FAM184A: variants seen among roughly 807,000 people sequenced by gnomAD.
FAM184A encodes the protein family with sequence similarity 184 member A.
Under a neutral mutation model 143.8 loss-of-function variants are expected in FAM184A, and 99 were observed. The observed-to-expected ratio is 0.69, with a 90% confidence interval of 0.58 to 0.81. FAM184A has a LOEUF of 0.81. FAM184A is among the 40% of genes least tolerant of loss of function. FAM184A has a pLI of 0.00. For missense variants in FAM184A, 1,217 were observed against 1,310.5 expected, an observed-to-expected ratio of 0.93 and a Z score of 1.10; for synonymous variants, 427 against 446.4, an observed-to-expected ratio of 0.96 and a Z score of 0.55.
Position 119,078,062 on chromosome 6 carries a change from G to T in FAM184A, c.159+79C>A, listed in dbSNP as rs1180673915. 1.4e-6 allele frequency: 2 copies of T among 1,475,034 alleles called. No individual in the cohort carries two copies. The highest frequency in any genetic ancestry group is 1.8e-6 in the Non-Finnish European group (2 of 1,103,816). 91.4% of individuals were successfully genotyped at this position (1,475,034 alleles called of 1,614,324 possible). A position where few individuals can be genotyped will look rare whatever the true frequency, so the allele number is the denominator to read the frequency against. On this transcript the variant is annotated intron_variant, in intron 1 of 17. Transcript: ENST00000338891. The surrounding 1 kb of genome is among the most constrained non-coding windows in gnomAD (Gnocchi z 5.5). ...GTTCCCCTCGCTGCGGGCGCAGGGC[G>T]CACTGCCTCCCGGGGAGACAGGTGA...
chr6:119,006,397 T>A, intron 7 of FAM184A, 50 bp downstream of exon 7: 1 of 1,574,526 alleles, frequency 6.4e-7, no homozygotes, highest in South Asian at 1.2e-5. Flanking sequence ...ATGGCTAAAT[T>A]CTATTTTTAT....
At chr6:119,114,000 A>T (rs530362971) in intron 1 of FAM184A, among the ~76,000 whole-genome samples, 1 of 152,266 alleles carries the variant, frequency 6.6e-6, no homozygotes, top group African/African-American at 2.4e-5. Context: ...TTTCTATTTT[A>T]TTGTTATTGT....
At chr6:119,052,654 T>A (rs1302397921) in intron 1 of FAM184A, among the ~76,000 whole-genome samples, 2 of 152,238 alleles carry the variant, frequency 1.3e-5, no homozygotes, top group African/African-American at 4.8e-5. Context: ...CAGAGTTGTA[T>A]CTGATCTGAT....
At chr6:119,145,402 C>A (rs949903764) in intron 1 of FAM184A, among the ~76,000 whole-genome samples, 3 of 152,136 alleles carry the variant, frequency 2.0e-5, no homozygotes, top group Non-Finnish European at 4.4e-5. Flanking sequence ...GTCATTAAAC[C>A]CTTCAATCAC....
chr6:119,087,284 ACAAG>A (rs1289681217), intron 1 of FAM184A, among the ~76,000 whole-genome samples: 2 of 152,190 alleles, frequency 1.3e-5, no homozygotes, highest in African/African-American at 4.8e-5. Flanking sequence ...AAAGATACTA[ACAAG>A]AGAGTGAAAA....
chr6:119,096,616 CTGGGCGACAGAGCGA>C (rs1788515539), intron 1 of FAM184A, among the ~76,000 whole-genome samples: 2 of 26,872 alleles, frequency 7.4e-5, no homozygotes, highest in South Asian at 3.2e-3. Flanking sequence ...GCAGTCCGGC[CTGGGCGACAGAGCGA>C]GACTCCATCT....
intron 1 of FAM184A, among the ~76,000 whole-genome samples, chr6:119,059,773 AG>A (rs1353178065): frequency 6.6e-6 from 1 of 152,244 alleles, no homozygotes; most frequent in Non-Finnish European, 1.5e-5. Flanking sequence ...GTATCATACC[AG>A]TACTTCAGAT....
At position 118,974,435 on chromosome 6, in the gene FAM184A, G is replaced by C. The variant is rs750107382; in HGVS notation, c.2908C>G (p.Gln970Glu). Residue 970 changes from glutamine to glutamate, a missense_variant, in exon 14 of 18, where the codon CAA becomes GAA. Transcript: ENST00000338891. ...ELLKEINAAL[Q>E]VSLEEMEEKY... The stretch of plus-strand genomic sequence containing the variant: ...TTATATAATATGACTTACGACACTT[G>C]TAAAGCGGCATTTATTTCCTTGAGT... 1.2e-6 allele frequency: 2 copies of C among 1,608,064 alleles called. No individual in the cohort carries two copies. Among genetic ancestry groups the C allele is most frequent in the Non-Finnish European group, 1.7e-6 (2 of 1,177,382 alleles).
chr6:119,020,898 T>C (rs1785422749), intron 3 of FAM184A, among the ~76,000 whole-genome samples: 1 of 152,002 alleles, frequency 6.6e-6, no homozygotes, highest in African/African-American at 2.4e-5. Flanking sequence ...AAGACACAGA[T>C]AAAGACAGCA....
chr6:119,117,582 G>C lies in FAM184A; in HGVS notation c.-202+31496C>G, dbSNP rs192245851. On this transcript the variant is annotated intron_variant, in intron 1 of 16. Coordinates refer to the FAM184A transcript ENST00000352896. ...GCCCCATTGCTTTGAACATGCCTGC[G>C]ACTCAGAGGTAAGACCTGCTTCTTA... is the stretch of plus-strand genomic sequence containing the variant. 7.3e-4 allele frequency among the ~76,000 whole-genome samples: 111 copies of C among 152,262 alleles called. 1 individual carries two copies. Among genetic ancestry groups the C allele is most frequent in the African/African-American group, 2.6e-3 (108 of 41,554 alleles).
At chr6:118,974,328 T>G in intron 14 of FAM184A, 100 bp downstream of exon 14, 2 of 1,157,114 alleles carry the variant, frequency 1.7e-6, no homozygotes, top group Non-Finnish European at 2.4e-6. Flanking sequence ...TTTTAAAGTA[T>G]CCTTTTTATT....
At chr6:119,108,885 G>A (rs1158823894) in intron 1 of FAM184A, among the ~76,000 whole-genome samples, 1 of 152,144 alleles carries the variant, frequency 6.6e-6, no homozygotes, top group Non-Finnish European at 1.5e-5. Context: ...ACTTCCAAAT[G>A]TTTTCTTCCT....
chr6:119,035,224 C>T (rs1219725166), intron 1 of FAM184A, among the ~76,000 whole-genome samples: 1 of 151,906 alleles, frequency 6.6e-6, no homozygotes, highest in Admixed American at 6.6e-5. Context: ...TGAATGGACT[C>T]CTCCTCTTGG....
chr6:119,095,046 G>T (rs895454531), intron 1 of FAM184A, among the ~76,000 whole-genome samples: 1 of 152,172 alleles, frequency 6.6e-6, no homozygotes, highest in Non-Finnish European at 1.5e-5. Flanking sequence ...GGAACTTGTG[G>T]TGGGACTCTG....
chr6:119,022,777 TG>T (rs1785492957), intron 3 of FAM184A, among the ~76,000 whole-genome samples, 167 bp downstream of exon 3: 2 of 152,094 alleles, frequency 1.3e-5, no homozygotes, highest in South Asian at 4.1e-4. Flanking sequence ...CTCAGGAAGC[TG>T]AGGCAGGAGA....
intron 1 of FAM184A, among the ~76,000 whole-genome samples, chr6:119,037,959 G>T (rs572448277): frequency 8.5e-5 from 13 of 152,220 alleles, no homozygotes; most frequent in African/African-American, 3.1e-4. Flanking sequence ...AAGCAAATGA[G>T]GAAATACGAA....
At chr6:119,083,636 AC>A (rs1420293263), upstream of FAM184A, among the ~76,000 whole-genome samples, 3 of 152,148 alleles carry the variant, frequency 2.0e-5, no homozygotes, top group Non-Finnish European at 4.4e-5. Context: ...TCTTTGCTAA[AC>A]CATAGCAAGA....
At chr6:119,059,437 A>T (rs571410737) in intron 1 of FAM184A, among the ~76,000 whole-genome samples, 2 of 152,334 alleles carry the variant, frequency 1.3e-5, no homozygotes, top group South Asian at 4.1e-4. Context: ...TTTTATTTCC[A>T]ATTAATTTTT....
chr6:119,103,649 C>T (rs1788700259), intron 1 of FAM184A, among the ~76,000 whole-genome samples: 1 of 93,020 alleles, frequency 1.1e-5, no homozygotes, highest in Non-Finnish European at 2.1e-5. Context: ...GAGAGGAGGC[C>T]AGGCACGGTG....
Sources: gnomAD v4.1 joint callset for allele counts (sites outside exome capture counted in the v4.1 genomes callset) on GRCh38, gnomAD v4.1.1 for gene constraint, Gnocchi (gnomAD v3.1) non-coding constraint, MANE v1.5 for transcripts, NCBI Gene and HGNC (gene_info 2026-07-23, HGNC 2026-07-21) for gene names.